The following EIPR1 variants were observed in gnomAD, a reference collection of about 807,000 sequenced individuals.
The protein encoded by EIPR1 is EARP complex and GARP complex interacting protein 1.
In EIPR1, 25 loss-of-function variants were observed where a neutral mutation model predicts 48.1. The ratio of observed to expected loss-of-function variants is 0.52; its 90% confidence interval spans 0.38 to 0.73. The LOEUF (loss-of-function observed/expected upper bound fraction) is 0.73. Ranked by LOEUF, EIPR1 falls within the 30% of genes least tolerant of loss-of-function variation. The pLI is 0.00. For synonymous variants in EIPR1, 204 were observed against 201.9 expected, an observed-to-expected ratio of 1.01 and a Z score of -0.09; for missense variants, 415 against 506.2, an observed-to-expected ratio of 0.82 and a Z score of 1.73.
chr2:3,201,658 A>G (rs775256558), intron 5 of EIPR1, among the ~76,000 whole-genome samples: 10 of 152,212 alleles, frequency 6.6e-5, no homozygotes, highest in Non-Finnish European at 1.0e-4. Context: ...CTACCGAGGA[A>G]GAAAACAGAG....
chr2:3,325,778 T>G (rs1669678466), intron 3 of EIPR1, among the ~76,000 whole-genome samples: 1 of 152,266 alleles, frequency 6.6e-6, no homozygotes, highest in African/African-American at 2.4e-5. Flanking sequence ...TACATTCATT[T>G]CAGGCTATAA....
intron 3 of EIPR1, chr2:3,318,844 C>T (rs1669400440): frequency 6.4e-6 from 3 of 470,988 alleles, no homozygotes; most frequent in South Asian, 1.5e-5. Context: ...TACATAAACA[C>T]CTTTGAGCTC....
At chr2:3,250,416 C>G (rs1193984052) in intron 4 of EIPR1, among the ~76,000 whole-genome samples, 1 of 152,170 alleles carries the variant, frequency 6.6e-6, no homozygotes, top group African/African-American at 2.4e-5. Context: ...AATGCCTGCA[C>G]CCCCATTGTA....
Position 3,241,327 on chromosome 2 carries a change from G to A in EIPR1, c.416+15972C>T, listed in dbSNP as rs142226433. ...TTATGGTAGGGAGAGCTCCTTTATC[G>A]TATCTTTCACTATTTATCCATGGGT... On this transcript the variant is annotated intron_variant, in intron 4 of 8. Coordinates refer to ENST00000382125, the MANE Select transcript of EIPR1 (RefSeq NM_003310.5). Among the ~76,000 whole-genome samples, 355 of 152,308 alleles carry A rather than the reference G, an allele frequency of 2.3e-3. 1 individual carries two copies. Among genetic ancestry groups the A allele is most frequent in the Non-Finnish European group, 3.8e-3 (256 of 68,036 alleles).
chr2:3,259,344 AAG>A (rs1667256733), intron 3 of EIPR1, among the ~76,000 whole-genome samples: 1 of 146,622 alleles, frequency 6.8e-6, no homozygotes, highest in Admixed American at 7.0e-5. Context: ...GGTGTAAAGA[AAG>A]TGACTTTCCT....
At position 3,374,213 on chromosome 2, in the gene EIPR1, T is replaced by G. The variant is rs1659795667; in HGVS notation, c.42+3435A>C. 2.0e-5 allele frequency among the ~76,000 whole-genome samples: 3 copies of G among 152,004 alleles called. No homozygotes were observed. In the South Asian group the frequency reaches 6.2e-4, roughly 32 times the overall value. On this transcript the variant is annotated intron_variant, in intron 1 of 8. Coordinates refer to ENST00000382125, the MANE Select transcript of EIPR1 (RefSeq NM_003310.5). ...GAAACTGGATCCCTTCCTTACACCT[T>G]ATACAAAAATTAATTCAAGATGGAA...
At chr2:3,326,744 G>T (rs35595039) in intron 3 of EIPR1, among the ~76,000 whole-genome samples, 41,445 of 152,016 alleles carry the variant, frequency 0.27, 7,536 homozygotes, top group East Asian at 0.64. Context: ...ATTCTCTTAC[G>T]TTTCCTCCTA....
At chr2:3,353,863 C>A (rs1296155889) in intron 2 of EIPR1, among the ~76,000 whole-genome samples, 1 of 152,132 alleles carries the variant, frequency 6.6e-6, no homozygotes, top group Non-Finnish European at 1.5e-5. Flanking sequence ...ATCAGATAAG[C>A]CGGACAGAAG....
chr2:3,296,266 G>GCTCA (rs2103285870), intron 3 of EIPR1, among the ~76,000 whole-genome samples: 1 of 74,994 alleles, frequency 1.3e-5, no homozygotes, highest in Admixed American at 1.5e-4. Context: ...CCTCCATCCA[G>GCTCA]CCCATCCTCA....
intron 3 of EIPR1, among the ~76,000 whole-genome samples, chr2:3,303,654 T>C (rs1558285222): frequency 6.6e-6 from 1 of 152,232 alleles, no homozygotes; most frequent in African/African-American, 2.4e-5. Context: ...ACAGGAAGAC[T>C]ACTCCAAAGA....
chr2:3,349,816 TCA>T (rs932028204), intron 2 of EIPR1, among the ~76,000 whole-genome samples: 2 of 152,150 alleles, frequency 1.3e-5, no homozygotes, highest in Admixed American at 6.5e-5. Context: ...TAGTCTGTTC[TCA>T]CACTGCTATA....
At chr2:3,216,162 T>C (rs1220374928) in intron 4 of EIPR1, among the ~76,000 whole-genome samples, 1 of 152,108 alleles carries the variant, frequency 6.6e-6, no homozygotes, top group Non-Finnish European at 1.5e-5. Flanking sequence ...AAGGAACAAA[T>C]GCAATGCAGG....
At chr2:3,217,952 TGA>T (rs1367294160) in intron 4 of EIPR1, among the ~76,000 whole-genome samples, 1 of 152,186 alleles carries the variant, frequency 6.6e-6, no homozygotes, top group Non-Finnish European at 1.5e-5. Context: ...TAAATACACG[TGA>T]GTCCGGGGCA....
chr2:3,257,997 G>A (rs527797995), intron 3 of EIPR1, among the ~76,000 whole-genome samples: 37 of 152,328 alleles, frequency 2.4e-4, no homozygotes, highest in African/African-American at 8.7e-4. Context: ...CAGAGGCATC[G>A]CATGCTGAGG....
intron 3 of EIPR1, among the ~76,000 whole-genome samples, chr2:3,270,638 T>C (rs1667676899): frequency 6.6e-6 from 1 of 152,238 alleles, no homozygotes; most frequent in Non-Finnish European, 1.5e-5. Flanking sequence ...TAACATTATG[T>C]CTAAAAAACT....
At chr2:3,223,093 C>A (rs189527989) in intron 4 of EIPR1, among the ~76,000 whole-genome samples, 74 of 152,260 alleles carry the variant, frequency 4.9e-4, no homozygotes, top group African/African-American at 1.7e-3. Flanking sequence ...TTCACAGGAC[C>A]AGGACTGAAG....
chr2:3,273,542 C>T (rs1397402962), intron 3 of EIPR1, among the ~76,000 whole-genome samples: 1 of 151,838 alleles, frequency 6.6e-6, no homozygotes, highest in African/African-American at 2.4e-5. Flanking sequence ...AAAAAAAACC[C>T]ACTTGTTTAT....
chr2:3,366,467 A>T (rs1670975882), intron 1 of EIPR1, among the ~76,000 whole-genome samples: 1 of 152,230 alleles, frequency 6.6e-6, no homozygotes, highest in Admixed American at 6.5e-5. Context: ...CCCAAAACAC[A>T]GCAGGTGACA....
At chr2:3,190,082 C>T (rs768266986) in intron 8 of EIPR1, among the ~76,000 whole-genome samples, 5 of 152,036 alleles carry the variant, frequency 3.3e-5, no homozygotes, top group African/African-American at 7.2e-5. Context: ...GCAGCAGAGG[C>T]GTGACCTGCC....
Sources: gnomAD v4.1 joint callset for allele counts (sites outside exome capture counted in the v4.1 genomes callset) on GRCh38, gnomAD v4.1.1 for gene constraint, MANE v1.5 for transcripts, NCBI Gene and HGNC (gene_info 2026-07-23, HGNC 2026-07-21) for gene names.